The following HDX variants were observed in gnomAD, a reference collection of about 807,000 sequenced individuals.
HDX encodes the protein highly divergent homeobox.
A neutral mutation model predicts 45.2 loss-of-function variants in HDX; 19 were observed. That is an observed-to-expected ratio of 0.42 (90% CI 0.29 to 0.62). HDX has a LOEUF of 0.62. HDX is among the 20% of genes least tolerant of loss of function. The probability of loss-of-function intolerance (pLI) is 0.20; values close to 1 mark genes in which losing one functional copy is unlikely to be tolerated. For synonymous variants in HDX, 188 were observed against 172.8 expected (o/e 1.09, Z -0.69); for missense variants, 532 against 493.9 (o/e 1.08, Z -0.73).
intron 5 of HDX, among the ~76,000 whole-genome samples, chrX:84,434,226 GA>G (rs1334038331): frequency 9.0e-6 from 1 of 110,558 alleles, no homozygotes; most frequent in African/African-American, 3.3e-5. Flanking sequence ...ATGCTGAATA[GA>G]ATTGATAAAA....
chrX:84,409,254 G>C (rs368304857), intron 5 of HDX, among the ~76,000 whole-genome samples: 2 of 111,031 alleles, frequency 1.8e-5, no homozygotes, highest in African/African-American at 6.6e-5. Flanking sequence ...GAGAAATAGG[G>C]ACACTTTTAC....
At chrX:84,398,592 G>T (rs2038621779) in intron 5 of HDX, among the ~76,000 whole-genome samples, 1 of 111,837 alleles carries the variant, frequency 8.9e-6, no homozygotes, top group Non-Finnish European at 1.9e-5. Flanking sequence ...GACCTACAAA[G>T]AGACTTAGAC....
intron 5 of HDX, among the ~76,000 whole-genome samples, chrX:84,425,433 G>C (rs1007317856): frequency 2.7e-5 from 3 of 111,429 alleles, no homozygotes; most frequent in Non-Finnish European, 5.7e-5. Context: ...TGAAAATTGA[G>C]CTACCACATG....
At chrX:84,362,369 A>C (rs752782292) in intron 5 of HDX, among the ~76,000 whole-genome samples, 4 of 111,558 alleles carry the variant, frequency 3.6e-5, no homozygotes, top group African/African-American at 1.3e-4. Context: ...AAGCTAGGTC[A>C]AAGGACTCAT....
At chrX:84,344,937 A>G (rs2037164918) in intron 6 of HDX, among the ~76,000 whole-genome samples, 1 of 111,162 alleles carries the variant, frequency 9.0e-6, no homozygotes. Flanking sequence ...TTAAAAGAAA[A>G]ATAAACTGGT....
chrX:84,322,112 T>C lies in HDX; in HGVS notation c.1948-98A>G. The stretch of plus-strand genomic sequence containing the variant: ...GTCCTCCCATGGTGAATTATCCTTA[T>C]GGATTTAAAGAATAATTTATATTTC... On this transcript the variant is annotated intron_variant, in intron 10 of 10. Transcript: ENST00000373177. The C allele has an allele frequency of 1.2e-5, 6 of 511,016 alleles. No individual in the cohort carries two copies. In the Admixed American group the frequency reaches 3.0e-4, roughly 25 times the overall value. The allele number at this position is 511,016 out of a possible 1,213,427, so 42.1% of individuals were successfully genotyped here. A position where few individuals can be genotyped will look rare whatever the true frequency, so the allele number is the denominator to read the frequency against.
rs35653454 is a variant in HDX at position 84,469,146 on chromosome X, C to T, written c.577G>A (p.Ala193Thr). 2,968 of 1,207,591 alleles carry T rather than the reference C, an allele frequency of 2.5e-3. 58 individuals are homozygous for T. In the African/African-American group the frequency reaches 0.047, roughly 19 times the overall value. ...GAAGAGTTTCCATAGTTTTTCTTTG[C>T]GTGATTGAATACTGAGTTTCCAGCA... is the stretch of plus-strand genomic sequence containing the variant. ...LNAGNSVFNH[A>T]KKNYGNSSVQ... Residue 193 changes from alanine to threonine, a missense_variant, in exon 4 of 11, where the codon GCA becomes ACA. By Grantham distance (58) the Ala-to-Thr change is moderately conservative (BLOSUM62 0). Transcript: ENST00000373177.
chrX:84,372,954 T>G (rs1009334868), intron 5 of HDX, among the ~76,000 whole-genome samples: 1 of 112,028 alleles, frequency 8.9e-6, no homozygotes, highest in East Asian at 2.8e-4. Flanking sequence ...TATAAAATAC[T>G]CATAGTTTTA....
intron 4 of HDX, among the ~76,000 whole-genome samples, chrX:84,445,271 A>G (rs1039138108): frequency 1.8e-5 from 2 of 111,903 alleles, no homozygotes; most frequent in Non-Finnish European, 3.8e-5. Context: ...ATTTGATTAA[A>G]TGAAGCAATC....
At chrX:84,480,591 TA>T (rs1365665931) in intron 2 of HDX, among the ~76,000 whole-genome samples, 1 of 111,278 alleles carries the variant, frequency 9.0e-6, no homozygotes, top group Non-Finnish European at 1.9e-5. Context: ...TGAATTTTGT[TA>T]AATGCTTTTT....
At chrX:84,365,543 G>A (rs772254117) in intron 5 of HDX, among the ~76,000 whole-genome samples, 52 of 111,995 alleles carry the variant, frequency 4.6e-4, no homozygotes, top group African/African-American at 1.6e-3. Context: ...CCCAAAGGAG[G>A]ATGTGATTGG....
chrX:84,469,016 G>T lies in HDX; in HGVS notation c.707C>A (p.Thr236Lys), dbSNP rs1472493447. ...GIQRSYKPEHTGPALHNLCGQ... is the reference protein window; with the variant it reads ...GIQRSYKPEHKGPALHNLCGQ... ...ACATAAGTTATGTAATGCTGGGCCT[G>T]TGTGTTCAGGCTTATATGACCTTTG... The change falls in exon 4 of 11, where the codon ACA becomes AAA. Residue 236 changes from threonine to lysine, a missense_variant. Physicochemically the swap from Thr to Lys is moderately conservative, Grantham distance 78. Around this residue, in one of 3 missense-constraint regions of HDX, gnomAD observed 376 missense variants for 343.7 expected, o/e 1.09. Coordinates refer to ENST00000373177, the MANE Select transcript of HDX (RefSeq NM_001177479.2). 1 of 1,211,213 alleles carries T rather than the reference G, an allele frequency of 8.3e-7. No individual in the cohort carries two copies. Among genetic ancestry groups the T allele is most frequent in the Admixed American group, 2.2e-5 (1 of 46,032 alleles).
At chrX:84,499,003 T>C (rs1039934117) in intron 1 of HDX, among the ~76,000 whole-genome samples, 1 of 111,741 alleles carries the variant, frequency 8.9e-6, no homozygotes, top group Non-Finnish European at 1.9e-5. Context: ...AGCTGTGTGG[T>C]CCTGGGAAAA....
chrX:84,441,935 T>C (rs765345397), intron 4 of HDX, among the ~76,000 whole-genome samples: 1 of 111,392 alleles, frequency 9.0e-6, no homozygotes, highest in Non-Finnish European at 1.9e-5. Context: ...CTTTTTTAGG[T>C]AGAAACCACT....
intron 5 of HDX, among the ~76,000 whole-genome samples, chrX:84,392,027 A>G (rs924595663): frequency 9.0e-6 from 1 of 111,627 alleles, no homozygotes; most frequent in African/African-American, 3.3e-5. Context: ...TAAGGTCATG[A>G]AGATTTTTCT....
intron 5 of HDX, among the ~76,000 whole-genome samples, chrX:84,390,164 T>A (rs1489022736): frequency 1.8e-5 from 2 of 110,562 alleles, no homozygotes; most frequent in Non-Finnish European, 3.8e-5. Flanking sequence ...CTTGGTTGCA[T>A]CTAGTTGACC....
At chrX:84,347,247 C>T (rs1771155016) in intron 6 of HDX, among the ~76,000 whole-genome samples, 1 of 109,903 alleles carries the variant, frequency 9.1e-6, no homozygotes, top group Non-Finnish European at 1.9e-5. Flanking sequence ...CTCACTCTGT[C>T]ACAGTAATGT....
chrX:84,424,446 AT>A (rs1208220336), intron 5 of HDX, among the ~76,000 whole-genome samples: 2 of 103,493 alleles, frequency 1.9e-5, no homozygotes, highest in African/African-American at 3.6e-5. Flanking sequence ...CCTCACAGAA[AT>A]TTAAAAAAAA....
chrX:84,379,990 A>G lies in HDX; in HGVS notation c.1306-18378T>C, dbSNP rs192214412. Among the ~76,000 whole-genome samples, 44 of 111,580 alleles carry G rather than the reference A, an allele frequency of 3.9e-4. No homozygotes were observed. In the East Asian group the frequency reaches 0.012, roughly 30 times the overall value. On this transcript the variant is annotated intron_variant, in intron 5 of 10. Coordinates refer to ENST00000373177, the MANE Select transcript of HDX (RefSeq NM_001177479.2). ...AACCTTTAGCGACACTAACAAAAAC[A>G]AAAAGAGAAGATACAAATAAATAAA...
Sources: allele counts gnomAD v4.1 joint callset (sites outside exome capture counted in the v4.1 genomes callset), GRCh38; gene constraint gnomAD v4.1.1; regional missense constraint gnomAD v4.1.1; transcripts MANE v1.5; gene names NCBI Gene and HGNC (gene_info 2026-07-23, HGNC 2026-07-21).